The following GLRA1 variants were observed in gnomAD, a reference collection of about 807,000 sequenced individuals.
GLRA1 encodes glycine receptor subunit alpha-1.
In GLRA1, 37 loss-of-function variants were observed where a neutral mutation model predicts 48.3. That is an observed-to-expected ratio of 0.77 (90% confidence interval 0.59 to 1.01). The LOEUF is 1.01. GLRA1 is among the 50% of genes least tolerant of loss of function. The pLI is 0.00. For synonymous variants in GLRA1, 196 were observed against 210.7 expected, an observed-to-expected ratio of 0.93 and a Z score of 0.60; for missense variants, 427 against 571.0, an observed-to-expected ratio of 0.75 and a Z score of 2.57.
chr5:151,891,872 A>T (rs1359279052), intron 2 of GLRA1, among the ~76,000 whole-genome samples: 2 of 152,056 alleles, frequency 1.3e-5, no homozygotes, highest in East Asian at 1.9e-4. Flanking sequence ...GAAGCCTGAA[A>T]GCTCCGTGAA....
At chr5:151,843,278 T>TTG (rs1491072513) in intron 7 of GLRA1, among the ~76,000 whole-genome samples, 9 of 139,494 alleles carry the variant, frequency 6.5e-5, no homozygotes, top group African/African-American at 2.4e-4. Context: ...TTTTTTTTTT[T>TTG]GAGATGGAGT....
At chr5:151,825,230 A>T (rs1046576484) in intron 8 of GLRA1, among the ~76,000 whole-genome samples, 1 of 152,192 alleles carries the variant, frequency 6.6e-6, no homozygotes, top group African/African-American at 2.4e-5. Context: ...AGTACTTAGA[A>T]GGGGGTCTAA....
chr5:151,891,523 A>G (rs1754069265), intron 2 of GLRA1, among the ~76,000 whole-genome samples: 1 of 152,142 alleles, frequency 6.6e-6, no homozygotes, highest in Non-Finnish European at 1.5e-5. Flanking sequence ...CATGGGGCCT[A>G]CATTTCTGCA....
At chr5:151,832,695 G>A (rs1005716334) in intron 7 of GLRA1, among the ~76,000 whole-genome samples, 7 of 152,182 alleles carry the variant, frequency 4.6e-5, no homozygotes, top group African/African-American at 1.7e-4. Context: ...GAAAGTGACG[G>A]GGAGAATGGA....
intron 7 of GLRA1, among the ~76,000 whole-genome samples, chr5:151,830,526 CT>C (rs1040136982): frequency 6.6e-6 from 1 of 152,166 alleles, no homozygotes; most frequent in East Asian, 1.9e-4. Context: ...AGGCTCTCAC[CT>C]TTGGCTAACC....
At chr5:151,867,962 T>C (rs373343549) in intron 3 of GLRA1, among the ~76,000 whole-genome samples, 22 of 152,120 alleles carry the variant, frequency 1.4e-4, no homozygotes, top group African/African-American at 5.1e-4. Context: ...CTGTAGACAA[T>C]TGGAAGCAGG....
chr5:151,882,358 A>T (rs986236442), intron 3 of GLRA1, among the ~76,000 whole-genome samples: 1 of 152,224 alleles, frequency 6.6e-6, no homozygotes, highest in African/African-American at 2.4e-5. Context: ...GGTTGTTATC[A>T]AGCCTAAATT....
chr5:151,894,150 C>CGT (rs749330230), intron 1 of GLRA1, among the ~76,000 whole-genome samples: 169 of 150,610 alleles, frequency 1.1e-3, no homozygotes, highest in South Asian at 2.3e-3. Flanking sequence ...TGTGTGTGTG[C>CGT]GTGTGTGTGT....
intron 7 of GLRA1, among the ~76,000 whole-genome samples, chr5:151,833,796 C>CAAAAAAAAAAAA (rs757336792): frequency 7.7e-5 from 5 of 64,768 alleles, no homozygotes; most frequent in Non-Finnish European, 8.5e-5. Context: ...AAGTGGAAAG[C>CAAAAAAAAAAAA]AAAAAAAAAA....
intron 7 of GLRA1, among the ~76,000 whole-genome samples, chr5:151,848,211 A>C (rs1752731480): frequency 6.6e-6 from 1 of 152,206 alleles, no homozygotes; most frequent in Non-Finnish European, 1.5e-5. Flanking sequence ...CGCTGTGCCT[A>C]GATTGTACAA....
intron 3 of GLRA1, among the ~76,000 whole-genome samples, chr5:151,862,425 G>A (rs1251623575): frequency 6.6e-6 from 1 of 152,124 alleles, no homozygotes; most frequent in Non-Finnish European, 1.5e-5. Flanking sequence ...TTGACAAATG[G>A]GATCTAATTA....
At chr5:151,919,114 TCTTTA>T (rs930657121) in intron 1 of GLRA1, among the ~76,000 whole-genome samples, 1 of 152,224 alleles carries the variant, frequency 6.6e-6, no homozygotes, top group African/African-American at 2.4e-5. Context: ...GAATCACATA[TCTTTA>T]CTTTTGTTTT....
intron 3 of GLRA1, among the ~76,000 whole-genome samples, chr5:151,861,279 C>T (rs1332340428): frequency 1.3e-5 from 2 of 152,200 alleles, no homozygotes; most frequent in Non-Finnish European, 2.9e-5. Context: ...ATTTCTAGTT[C>T]TAGATCCTTG....
chr5:151,849,885 CTGAAGGCTCCAACAG>C, intron 7 of GLRA1: 1 of 1,487,766 alleles, frequency 6.7e-7, no homozygotes, highest in African/African-American at 1.4e-5. Context: ...ATTTTACAGT[CTGAAGGCTCCAACAG>C]TGACATGCAT....
At chr5:151,867,388 A>G (rs1382901690) in intron 3 of GLRA1, among the ~76,000 whole-genome samples, 1 of 152,136 alleles carries the variant, frequency 6.6e-6, no homozygotes, top group Non-Finnish European at 1.5e-5. Context: ...GTAAGACATT[A>G]AGACTAGGGC....
At position 151,822,789 on chromosome 5, in the gene GLRA1, C is replaced by T. The variant is rs1763171970; in HGVS notation, c.1234G>A (p.Ala412Thr). Residue 412 changes from alanine to threonine, a missense_variant, in exon 9 of 9, where the codon GCC becomes ACC. By Grantham distance (58) the Ala-to-Thr change is moderately conservative. Coordinates refer to ENST00000274576, the MANE Select transcript of GLRA1 (RefSeq NM_000171.4). ...EEMRKLFIQR[A>T]KKIDKISRIG... ...CGGGATATTTTGTCGATCTTCTTGG[C>T]CCTCTGGATGAAGAGTTTTCGCATC... 6.2e-7 allele frequency: 1 copy of T among 1,613,984 alleles called. No individual in the cohort carries two copies. The highest frequency in any genetic ancestry group is 8.5e-7 in the Non-Finnish European group (1 of 1,179,918).
intron 7 of GLRA1, among the ~76,000 whole-genome samples, chr5:151,849,375 C>T (rs1228207364): frequency 1.9e-4 from 11 of 57,464 alleles, no homozygotes; most frequent in African/African-American, 1.0e-3. Context: ...TTCTTCCTTT[C>T]GTTTCCTTTC....
At chr5:151,849,348 A>G (rs1466500140) in intron 7 of GLRA1, among the ~76,000 whole-genome samples, 3 of 44,234 alleles carry the variant, frequency 6.8e-5, no homozygotes, top group African/African-American at 3.0e-4. Context: ...CCTTCCTTCC[A>G]TCCTTCCTTC....
At chr5:151,900,789 A>G (rs1237321138) in intron 1 of GLRA1, among the ~76,000 whole-genome samples, 2 of 152,142 alleles carry the variant, frequency 1.3e-5, no homozygotes, top group African/African-American at 4.8e-5. Flanking sequence ...TTTTTCTCAG[A>G]ATTGGGGCCA....
Sources: gnomAD v4.1 joint callset for allele counts (sites outside exome capture counted in the v4.1 genomes callset) on GRCh38, gnomAD v4.1.1 for gene constraint, MANE v1.5 for transcripts, NCBI Gene and HGNC (gene_info 2026-07-23, HGNC 2026-07-21) for gene names.